UPF3A: variants seen among roughly 807,000 people sequenced by gnomAD.
UPF3A encodes the protein regulator of nonsense transcripts 3A.
Under a neutral mutation model 53.5 loss-of-function variants are expected in UPF3A, and 42 were observed. That is an observed-to-expected ratio of 0.78 (90% CI 0.61 to 1.01). The LOEUF is 1.01. Among genes scored for constraint, UPF3A ranks in the 50% least tolerant of loss-of-function variants. UPF3A has a pLI of 0.00. For synonymous variants in UPF3A, 237 were observed against 225.3 expected (o/e 1.05, Z -0.47); for missense variants, 575 against 598.0 (o/e 0.96, Z 0.40).
chr13:114,292,218 C>T (rs549320676), intron 7 of UPF3A, among the ~76,000 whole-genome samples: 2 of 148,066 alleles, frequency 1.4e-5, no homozygotes, highest in East Asian at 2.0e-4. Flanking sequence ...TGTTCATTTT[C>T]GACTCAAGGC....
chr13:114,281,980 C>T lies in UPF3A; in HGVS notation c.208-41C>T, dbSNP rs749845574. 8 of 1,524,984 alleles carry T rather than the reference C, an allele frequency of 5.2e-6. No homozygotes were observed. In the Admixed American group the frequency reaches 1.2e-4, roughly 23 times the overall value. 94.5% of individuals were successfully genotyped at this position (1,524,984 alleles called of 1,614,324 possible). A position where few individuals can be genotyped will look rare whatever the true frequency, so the allele number is the denominator to read the frequency against. On this transcript the variant is annotated intron_variant, in intron 1 of 9. Coordinates refer to ENST00000375299, the MANE Select transcript of UPF3A (RefSeq NM_023011.4). Reference sequence around the variant, plus strand: ...CGCGGTGCCTTTTGAGCTCCTTGTCCACGCTCCGCCCCGGTGGGAACGGCC... The same window carrying T: ...CGCGGTGCCTTTTGAGCTCCTTGTCTACGCTCCGCCCCGGTGGGAACGGCC...
At chr13:114,298,317 G>A (rs939180718) in intron 7 of UPF3A, among the ~76,000 whole-genome samples, 1 of 151,658 alleles carries the variant, frequency 6.6e-6, no homozygotes, top group Non-Finnish European at 1.5e-5. Flanking sequence ...AGGTTGCAGT[G>A]AGCCAAGATC....
chr13:114,282,500 C>G (rs2084202428), intron 2 of UPF3A: 1 of 985,292 alleles, frequency 1.0e-6, no homozygotes, highest in South Asian at 4.7e-5. Flanking sequence ...GGTGCCGCAG[C>G]CAGTGCGGTT....
At chr13:114,286,133 T>C in intron 3 of UPF3A, 169 bp from the exon 4 acceptor site, 1 of 902,924 alleles carries the variant, frequency 1.1e-6, no homozygotes, top group Non-Finnish European at 1.6e-6. Context: ...AAATTGTAGG[T>C]TTTTTAATCT....
intron 5 of UPF3A, among the ~76,000 whole-genome samples, chr13:114,289,699 G>A (rs967288541): frequency 1.3e-5 from 2 of 152,032 alleles, no homozygotes; most frequent in Admixed American, 6.6e-5. Context: ...CTGGTGCATC[G>A]GCCTTTAGCA....
At chr13:114,283,587 T>C in intron 3 of UPF3A, 1 of 223,262 alleles carries the variant, frequency 4.5e-6, no homozygotes, top group Non-Finnish European at 7.5e-6. Context: ...GATAGGAATT[T>C]TCCAAAATGT....
chr13:114,301,737 C>T lies in UPF3A; in HGVS notation c.1014C>T (p.His338=), dbSNP rs572582547. 1.2e-6 allele frequency: 2 copies of T among 1,609,666 alleles called. No individual in the cohort carries two copies. Among genetic ancestry groups the T allele is most frequent in the South Asian group, 1.1e-5 (1 of 90,826 alleles). Reference sequence around the variant, plus strand: ...CATTTGTGTTGAATCATAGGTCACACAGCGGCAGTGATAAAGAGCACAGGG... The same window carrying T: ...CATTTGTGTTGAATCATAGGTCACATAGCGGCAGTGATAAAGAGCACAGGG... ...GSLEEPQETS[H]SGSDKEHRDV... is the part of the protein sequence containing the mutation. Residue 338 remains histidine, a synonymous_variant, in exon 9 of 10, where the codon CAC becomes CAT. Transcript: ENST00000375299.
In UPF3A at chr13:114,282,117, G is replaced by A. The variant is rs1477290558; in HGVS notation, c.304G>A (p.Ala102Thr). 17 of 1,562,862 alleles carry A rather than the reference G, an allele frequency of 1.1e-5. No individual in the cohort carries two copies. The highest frequency in any genetic ancestry group is 1.5e-5 in the Non-Finnish European group (17 of 1,154,814). Residue 102 changes from alanine (A) to threonine (T), a missense_variant, in exon 2 of 10, where the codon GCC becomes ACC. Physicochemically the swap from Ala to Thr is moderately conservative, Grantham distance 58 (BLOSUM62 0). Transcript: ENST00000375299. ...PAHDYFEFFAADLSLYPHLYS... is the reference protein window; with the variant it reads ...PAHDYFEFFATDLSLYPHLYS... ...ACACGACTACTTCGAGTTCTTCGCC[G>A]CCGACCTGAGGTGAGGCCCGCCCCG...
rs573698369 is a variant in UPF3A at position 114,297,138 on chromosome 13, A to G, written c.847-1702A>G. Among the ~76,000 whole-genome samples, 6 of 152,068 alleles carry G rather than the reference A, an allele frequency of 3.9e-5. 2 individuals carry two copies. Among genetic ancestry groups the G allele is most frequent in the African/African-American group, 1.2e-4 (5 of 41,492 alleles). ...GAATGCATCTGTGTATGGTCTTGCT[A>G]TGCTGCAATTATGAGTGAGAACAGA... On this transcript the variant is annotated intron_variant, in intron 7 of 9. Coordinates refer to ENST00000375299, the MANE Select transcript of UPF3A (RefSeq NM_023011.4).
intron 5 of UPF3A, among the ~76,000 whole-genome samples, chr13:114,288,248 A>G (rs2084921875): frequency 6.6e-6 from 1 of 152,232 alleles, no homozygotes; most frequent in Non-Finnish European, 1.5e-5. Flanking sequence ...ACAGGTTGGA[A>G]GCAGGAGCAG....
Position 114,301,980 on chromosome 13 carries a change from G to C in UPF3A, c.1257G>C (p.Arg419Ser). The change falls in exon 9 of 10, where the codon AGG (arginine) becomes AGC (serine). Residue 419 changes from arginine to serine, a missense_variant. This residue lies in a region of UPF3A where 323 missense variants were observed against 415.2 expected (regional missense o/e 0.78). Coordinates refer to ENST00000375299, the MANE Select transcript of UPF3A (RefSeq NM_023011.4). The part of the protein sequence containing the change: ...EAMERLGRAQ[R>S]CDDSPAPRKE... ...TGGAGAGACTGGGAAGAGCGCAGAGGTGTGACGACAGTCCAGCACCCAGAA... is the reference window on the plus strand; with the variant it reads ...TGGAGAGACTGGGAAGAGCGCAGAGCTGTGACGACAGTCCAGCACCCAGAA... 6 of 1,577,500 alleles carry C rather than the reference G, an allele frequency of 3.8e-6. No homozygotes were observed. The highest frequency in any genetic ancestry group is 5.2e-6 in the Non-Finnish European group (6 of 1,161,940).
At position 114,282,186 on chromosome 13, in the gene UPF3A, C is replaced by G. The variant is rs532783075; in HGVS notation, c.314+59C>G. 3.6e-5 allele frequency: 51 copies of G among 1,404,056 alleles called. No individual in the cohort carries two copies. The African/African-American group carries it at 6.6e-4, about 18-fold the overall frequency. 87.0% of individuals were successfully genotyped at this position (1,404,056 alleles called of 1,614,324 possible). On this transcript the variant is annotated intron_variant, in intron 2 of 9. Coordinates refer to ENST00000375299, the MANE Select transcript of UPF3A (RefSeq NM_023011.4). ...GGAACCCAGAGCTCGGCGGCGGTGGCCGTCTCGTTGCCTTACGTTCCTTAC... is the reference window on the plus strand; with the variant it reads ...GGAACCCAGAGCTCGGCGGCGGTGGGCGTCTCGTTGCCTTACGTTCCTTAC...
Position 114,281,715 on chromosome 13 carries a change from C to G in UPF3A, c.76C>G (p.Leu26Val), listed in dbSNP as rs1288977974. 6.4e-7 allele frequency: 1 copy of G among 1,551,802 alleles called. No homozygotes were observed. The highest frequency in any genetic ancestry group is 8.7e-7 in the Non-Finnish European group (1 of 1,148,682). The change falls in exon 1 of 10, where the codon CTG (leucine) becomes GTG (valine). Residue 26 changes from leucine to valine, a missense_variant. Physicochemically the swap from Leu to Val is conservative, Grantham distance 32. Coordinates refer to ENST00000375299, the MANE Select transcript of UPF3A (RefSeq NM_023011.4). Reference sequence around the variant, plus strand: ...GCGGGGCCCGAGCGGGAGGGAGAAGCTGTCGGCCCTAGAAGTGCAGTTCCA... The same window carrying G: ...GCGGGGCCCGAGCGGGAGGGAGAAGGTGTCGGCCCTAGAAGTGCAGTTCCA... ...AARGPSGREK[L>V]SALEVQFHRD...
chr13:114,295,884 T>C (rs2085937058), intron 7 of UPF3A, among the ~76,000 whole-genome samples: 1 of 152,080 alleles, frequency 6.6e-6, no homozygotes, highest in African/African-American at 2.4e-5. Context: ...GTGTCTTATA[T>C]GCCAATGAGA....
At chr13:114,294,551 C>T (rs73576983) in intron 7 of UPF3A, among the ~76,000 whole-genome samples, 4 of 152,290 alleles carry the variant, frequency 2.6e-5, no homozygotes, top group African/African-American at 9.6e-5. Flanking sequence ...GCGTAGCACT[C>T]ATGGCTATTC....
At chr13:114,282,411 C>T in intron 2 of UPF3A, 1 of 1,215,724 alleles carries the variant, frequency 8.2e-7, no homozygotes, top group Non-Finnish European at 1.0e-6. Context: ...CGCCCGGCGC[C>T]TCCCGGGCTT....
At chr13:114,288,900 T>C (rs1011504816) in intron 5 of UPF3A, among the ~76,000 whole-genome samples, 17 of 152,166 alleles carry the variant, frequency 1.1e-4, no homozygotes, top group African/African-American at 3.9e-4. Flanking sequence ...AGCAGCAAAT[T>C]AGACGTTATT....
intron 7 of UPF3A, among the ~76,000 whole-genome samples, chr13:114,294,850 C>T (rs923117492): frequency 7.2e-6 from 1 of 139,532 alleles, no homozygotes; most frequent in Non-Finnish European, 1.5e-5. Flanking sequence ...CGGTGGCTCA[C>T]ACCTGTAATC....
intron 2 of UPF3A, chr13:114,282,507 G>C: frequency 1.0e-6 from 1 of 985,438 alleles, no homozygotes; most frequent in Non-Finnish European, 1.2e-6. Flanking sequence ...CAGCCAGTGC[G>C]GTTTTAAATA....
Sources: gnomAD v4.1 joint callset for allele counts (sites outside exome capture counted in the v4.1 genomes callset) on GRCh38, gnomAD v4.1.1 for gene constraint, gnomAD v4.1.1 regional missense constraint, MANE v1.5 for transcripts, NCBI Gene and HGNC (gene_info 2026-07-23, HGNC 2026-07-21) for gene names.